Variants in KLHL12 observed in about 807,000 individuals in gnomAD.
KLHL12 encodes kelch-like protein 12.
Under a neutral mutation model 60.8 loss-of-function variants are expected in KLHL12, and 17 were observed. That is an observed-to-expected ratio of 0.28 (90% CI 0.19 to 0.42). The LOEUF is 0.42. Among genes scored for constraint, KLHL12 ranks in the 10% least tolerant of loss-of-function variants. The pLI is 1.00. For missense variants in KLHL12, 468 were observed against 722.3 expected (o/e 0.65, Z 4.04); for synonymous variants, 220 against 250.9 (o/e 0.88, Z 1.16).
chr1:202,928,473 T>C (rs1020510380), upstream of KLHL12: 1 of 1,297,178 alleles, frequency 7.7e-7, no homozygotes, highest in South Asian at 1.2e-5. Flanking sequence ...GCAGCAAGTA[T>C]GTTTTACCTT....
intron 6 of KLHL12, among the ~76,000 whole-genome samples, chr1:202,897,949 C>T (rs991273006): frequency 6.6e-6 from 1 of 152,150 alleles, no homozygotes; most frequent in Non-Finnish European, 1.5e-5. Context: ...TCATCAAAAC[C>T]ACCAGGCAAC....
upstream of KLHL12, chr1:202,928,519 C>T: frequency 7.7e-7 from 1 of 1,304,410 alleles, no homozygotes; most frequent in Non-Finnish European, 1.0e-6. Context: ...TCGAGAAAAC[C>T]CACAGAGGCC....
intron 10 of KLHL12, among the ~76,000 whole-genome samples, 161 bp downstream of exon 10, chr1:202,894,023 G>C (rs994438313): frequency 6.6e-6 from 1 of 152,216 alleles, no homozygotes; most frequent in Non-Finnish European, 1.5e-5. Context: ...CTAGTTGTAA[G>C]TATCAACTGT....
chr1:202,902,048 T>A (rs922999387), intron 6 of KLHL12, among the ~76,000 whole-genome samples: 1 of 152,004 alleles, frequency 6.6e-6, no homozygotes, highest in African/African-American at 2.4e-5. Flanking sequence ...ACAGGTATTA[T>A]GAAAAAAAAA....
chr1:202,921,629 T>C (rs148332426), intron 2 of KLHL12, among the ~76,000 whole-genome samples: 67 of 152,358 alleles, frequency 4.4e-4, no homozygotes, highest in African/African-American at 1.5e-3. Context: ...TTAGTCTAAA[T>C]TGTTAGTAGT....
At chr1:202,900,378 C>CT (rs1337867918) in intron 6 of KLHL12, among the ~76,000 whole-genome samples, 1 of 151,160 alleles carries the variant, frequency 6.6e-6, no homozygotes, top group Non-Finnish European at 1.5e-5. Context: ...ACTCCCATAT[C>CT]TAGAAAAAAA....
intron 6 of KLHL12, among the ~76,000 whole-genome samples, chr1:202,902,491 T>C (rs1660042880): frequency 6.6e-6 from 1 of 152,026 alleles, no homozygotes; most frequent in Admixed American, 6.6e-5. Flanking sequence ...TATTATATTG[T>C]ATCCTGATGT....
chr1:202,915,861 T>G (rs557463978), intron 4 of KLHL12, among the ~76,000 whole-genome samples: 1 of 152,368 alleles, frequency 6.6e-6, no homozygotes, highest in East Asian at 1.9e-4. Context: ...ACAGGGATTT[T>G]TGTTTTGTTC....
chr1:202,925,701 C>A (rs1306074293), intron 1 of KLHL12, among the ~76,000 whole-genome samples: 3 of 152,070 alleles, frequency 2.0e-5, no homozygotes, highest in Admixed American at 2.0e-4. Flanking sequence ...AGTGTGTATT[C>A]AACTTCAACT....
In KLHL12 at chr1:202,927,153, G is replaced by GCGGGGCTAGCAGGCGGCT. The variant is rs1338399350; in HGVS notation, c.-128_-111dup. Reference sequence around the variant, plus strand: ...CCAGCCTGTGGGGATGGAGTGCGGCGCGGGGCTAGCAGGCGGCTCGGGAGG... The same window carrying GCGGGGCTAGCAGGCGGCT: ...CCAGCCTGTGGGGATGGAGTGCGGCGCGGGGCTAGCAGGCGGCTCGGGGCTAGCAGGCGGCTCGGGAGG... On this transcript the variant is annotated 5_prime_UTR_variant, in exon 1 of 12. Transcript: ENST00000367261. 1.3e-5 allele frequency: 13 copies of GCGGGGCTAGCAGGCGGCT among 985,248 alleles called. No homozygotes were observed. In the African/African-American group the frequency reaches 2.3e-4, roughly 17 times the overall value. 61.0% of individuals were successfully genotyped at this position (985,248 alleles called of 1,614,324 possible).
chr1:202,903,834 G>C (rs1037712140), intron 6 of KLHL12, among the ~76,000 whole-genome samples: 1 of 151,324 alleles, frequency 6.6e-6, no homozygotes, highest in Non-Finnish European at 1.5e-5. Flanking sequence ...TGTTGGCCAG[G>C]CTGGTCTCGA....
intron 2 of KLHL12, among the ~76,000 whole-genome samples, 171 bp from the exon 3 acceptor site, chr1:202,920,079 T>C (rs7520522): frequency 0.95 from 143,978 of 152,126 alleles, 68,698 homozygotes; most frequent in East Asian, 1. Flanking sequence ...TTTGAGAGGC[T>C]AAGGCAGGCA....
intron 6 of KLHL12, 64 bp from the exon 7 acceptor site, chr1:202,897,024 G>A (rs182910818): frequency 6.6e-5 from 80 of 1,209,694 alleles, no homozygotes; most frequent in Admixed American, 2.9e-4. Flanking sequence ...ACTAGTCACA[G>A]GGAAGTGTCA....
rs1660288050 is a variant in KLHL12 at position 202,909,354 on chromosome 1, T to C, written c.718-230A>G. The stretch of plus-strand genomic sequence containing the variant: ...TAGATGGATCAAAAATCAAATGATA[T>C]AAACAGATATGTTGAGCAGTATTTC... On this transcript the variant is annotated intron_variant, in intron 5 of 11. Transcript: ENST00000367261. This position sits in a 1 kb window ranked among gnomAD's most constrained non-coding sequence, Gnocchi z 4.1. Among the ~76,000 whole-genome samples, 1 of 151,262 alleles carries C rather than the reference T, an allele frequency of 6.6e-6. No individual in the cohort carries two copies. The highest frequency in any genetic ancestry group is 1.5e-5 in the Non-Finnish European group (1 of 67,940).
Position 202,893,089 on chromosome 1 carries a change from A to AAATAAAAAAAATCT in KLHL12, c.1580+136_1580+149dup, listed in dbSNP as rs1659726360. 4 of 609,752 alleles carry AAATAAAAAAAATCT rather than the reference A, an allele frequency of 6.6e-6. No homozygotes were observed. The highest frequency in any genetic ancestry group is 3.6e-5 in the Admixed American group (1 of 27,742). 37.8% of individuals were successfully genotyped at this position (609,752 alleles called of 1,614,324 possible). A position where few individuals can be genotyped will look rare whatever the true frequency, so the allele number is the denominator to read the frequency against. ...GACAGAGCAATACTCTGTCTCTAAA[A>AAATAAAAAAAATCT]AATAAAAAAAATCTAATAAAAAAAA... On this transcript the variant is annotated intron_variant, in intron 11 of 11. Transcript: ENST00000367261. The surrounding 1 kb of genome is among the most constrained non-coding windows in gnomAD (Gnocchi z 4.1).
At chr1:202,898,595 C>T (rs899645757) in intron 6 of KLHL12, among the ~76,000 whole-genome samples, 1 of 152,168 alleles carries the variant, frequency 6.6e-6, no homozygotes, top group Non-Finnish European at 1.5e-5. Context: ...AATCCAACCA[C>T]TAGTTTACAG....
rs551568606 is a variant in KLHL12 at position 202,908,948 on chromosome 1, T to C, written c.832+62A>G. 1,680 of 1,023,712 alleles carry C rather than the reference T, an allele frequency of 1.6e-3. 7 individuals carry two copies. Among genetic ancestry groups the C allele is most frequent in the Middle Eastern group, 2.3e-3 (8 of 3,478 alleles). The allele number at this position is 1,023,712 out of a possible 1,614,324, so 63.4% of individuals were successfully genotyped here. ...TCTTATAGAGTATTATTTTCAACTA[T>C]GTTGTCACCTGCAAGAAGTAGTTGA... On this transcript the variant is annotated intron_variant, in intron 6 of 11. Coordinates refer to ENST00000367261, the MANE Select transcript of KLHL12 (RefSeq NM_021633.4).
chr1:202,927,422 C>T (rs369566671), upstream of KLHL12, among the ~76,000 whole-genome samples: 1 of 151,108 alleles, frequency 6.6e-6, no homozygotes, highest in Non-Finnish European at 1.5e-5. Context: ...GTGGCTCACG[C>T]CTATAATCCC....
intron 6 of KLHL12, among the ~76,000 whole-genome samples, chr1:202,902,417 G>A (rs562201097): frequency 6.6e-5 from 10 of 150,754 alleles, no homozygotes; most frequent in African/African-American, 1.9e-4. Context: ...GTAACAGAGC[G>A]AGACTCCGTC....
Sources: gnomAD v4.1 joint callset for allele counts (sites outside exome capture counted in the v4.1 genomes callset) on GRCh38, gnomAD v4.1.1 for gene constraint, Gnocchi (gnomAD v3.1) non-coding constraint, MANE v1.5 for transcripts, NCBI Gene and HGNC (gene_info 2026-07-23, HGNC 2026-07-21) for gene names.